The following TRAF3IP3 variants were observed in gnomAD, a reference collection of about 807,000 sequenced individuals.
The protein encoded by TRAF3IP3 is TRAF3-interacting JNK-activating modulator.
TRAF3IP3 carries 64 observed loss-of-function variants against 86.5 expected under a neutral mutation model. The observed-to-expected ratio is 0.74, with a 90% CI of 0.60 to 0.91. The LOEUF (loss-of-function observed/expected upper bound fraction) is 0.91, where lower values mean the gene tolerates loss of function less well. TRAF3IP3 is among the 40% of genes least tolerant of loss of function. The pLI is 0.00. For synonymous variants in TRAF3IP3, 220 were observed against 243.9 expected, an observed-to-expected ratio of 0.90 and a Z score of 0.91; for missense variants, 579 against 642.9, an observed-to-expected ratio of 0.90 and a Z score of 1.07.
rs1294915078 is a variant in TRAF3IP3 at position 209,775,582 on chromosome 1, T to TC, written c.916-16dup. On this transcript the variant is annotated splice_polypyrimidine_tract_variant and intron_variant, in intron 10 of 16. Transcript: ENST00000367025. ...TGCACAACTCCCTGGAGCCCTCTCC[T>TC]CTCTGATCTCCCTCAGCGATCCCTG... The TC allele has an allele frequency of 7.4e-6, 12 of 1,614,012 alleles. No individual in the cohort carries two copies. The highest frequency in any genetic ancestry group is 1.0e-5 in the Non-Finnish European group (12 of 1,179,998).
At chr1:209,765,237 GGA>G (rs2077330895) in intron 8 of TRAF3IP3, among the ~76,000 whole-genome samples, 12 of 107,484 alleles carry the variant, frequency 1.1e-4, no homozygotes, top group East Asian at 5.2e-4. Context: ...GAGGAAGGAA[GGA>G]AGGAAGGAAG....
rs775528087 is a variant in TRAF3IP3, at chr1:209,775,421, G to A, written c.847G>A (p.Ala283Thr). 2 of 1,614,100 alleles carry A rather than the reference G, an allele frequency of 1.2e-6. No individual in the cohort carries two copies. The highest frequency in any genetic ancestry group is 3.3e-5 in the Admixed American group (2 of 60,012). Residue 283 changes from alanine to threonine, a missense_variant, in exon 10 of 17, where the codon GCC becomes ACC. By Grantham distance (58) the Ala-to-Thr change is moderately conservative (BLOSUM62 0). Transcript: ENST00000367025. ...EDQKNSYEQKAKESLQKVLEE... is the reference protein window; with the variant it reads ...EDQKNSYEQKTKESLQKVLEE... The stretch of plus-strand genomic sequence containing the variant: ...CCAGAAAAACAGCTATGAGCAGAAG[G>A]CCAAGGAGTCACTGCAGAAAGTGCT...
intron 8 of TRAF3IP3, among the ~76,000 whole-genome samples, chr1:209,768,945 G>A (rs1273073787): frequency 1.3e-5 from 2 of 152,166 alleles, no homozygotes; most frequent in Non-Finnish European, 1.5e-5. Flanking sequence ...AGACTTGGGT[G>A]GCCCTTCATC....
rs537510029 is a variant in TRAF3IP3, at chr1:209,770,096, G to GC, written c.703-2850dup. On this transcript the variant is annotated intron_variant, in intron 8 of 16. Transcript: ENST00000367025. Reference sequence around the variant, plus strand: ...AGAAACAGATTGGCTCTTCATGCCGGCCTTGCTCCCCTCTCGCCCTTGAGA... The same window carrying GC: ...AGAAACAGATTGGCTCTTCATGCCGGCCCTTGCTCCCCTCTCGCCCTTGAGA... 2.3e-3 allele frequency among the ~76,000 whole-genome samples: 350 copies of GC among 152,304 alleles called. 1 individual carries two copies. The highest frequency in any genetic ancestry group is 8.0e-3 in the African/African-American group (334 of 41,564).
chr1:209,762,599 T>C lies in TRAF3IP3; in HGVS notation c.430T>C (p.Ser144Pro). 1 of 1,516,284 alleles carries C rather than the reference T, an allele frequency of 6.6e-7. No individual in the cohort carries two copies. The allele number at this position is 1,516,284 out of a possible 1,614,324, so 93.9% of individuals were successfully genotyped here. ...ICRDLSDHLS[S>P]QAGGLPPQDT... is the part of the protein sequence containing the mutation. Reference sequence around the variant, plus strand: ...CAGGGATCTGTCTGACCACCTCTCCTCACAGGCTGGGGGCCTTCCTCCACA... The same window carrying C: ...CAGGGATCTGTCTGACCACCTCTCCCCACAGGCTGGGGGCCTTCCTCCACA... The change falls in exon 4 of 17, where the codon TCA (serine) becomes CCA (proline). Residue 144 changes from serine to proline, a missense_variant. Coordinates refer to ENST00000367025, the MANE Select transcript of TRAF3IP3 (RefSeq NM_025228.4).
intron 8 of TRAF3IP3, chr1:209,768,698 G>A (rs1271687831): frequency 3.0e-6 from 3 of 985,404 alleles, no homozygotes; most frequent in East Asian, 2.3e-4. Context: ...TCTTCACTGG[G>A]GTTTATATGC....
chr1:209,763,280 A>G, intron 6 of TRAF3IP3, 83 bp from the exon 7 acceptor site: 2 of 1,537,624 alleles, frequency 1.3e-6, no homozygotes, highest in Non-Finnish European at 1.8e-6. Flanking sequence ...TGCTCTACAC[A>G]AGCCAGCCCA....
intron 8 of TRAF3IP3, 144 bp downstream of exon 8, chr1:209,763,731 G>A: frequency 1.9e-5 from 13 of 694,022 alleles, no homozygotes; most frequent in Non-Finnish European, 3.2e-5. Context: ...TGAGGGGGAT[G>A]GTGCTCAGAC....
chr1:209,780,472 C>T lies in TRAF3IP3; in HGVS notation c.1315C>T (p.Gln439Ter), dbSNP rs1330900836. Residue 439 changes from glutamine to a stop codon, truncating the protein, a stop_gained and splice_region_variant, in exon 15 of 17, where the codon CAG becomes TAG. Coordinates refer to ENST00000367025, the MANE Select transcript of TRAF3IP3 (RefSeq NM_025228.4). LOFTEE classifies it high-confidence loss of function. ...EQEKLLTKKD[Q>*]ALPVWSPKSF... Reference sequence around the variant, plus strand: ...CAAGAATCTGGCTGCTTTTTTAGATCAGGCTTTGCCCGTGTGGAGTCCAAA... The same window carrying T: ...CAAGAATCTGGCTGCTTTTTTAGATTAGGCTTTGCCCGTGTGGAGTCCAAA... 6.4e-7 allele frequency: 1 copy of T among 1,556,270 alleles called. No individual in the cohort carries two copies. Among genetic ancestry groups the T allele is most frequent in the Non-Finnish European group, 8.7e-7 (1 of 1,146,912 alleles).
chr1:209,782,036 G>T lies in TRAF3IP3; in HGVS notation c.1564-20G>T. On this transcript the variant is annotated intron_variant, in intron 16 of 16. Transcript: ENST00000367025. ...AATCCACTCATGGCCACTTTCTTCT[G>T]TCTCCCTGTCCCCCTACAGAGGCAA... is the stretch of plus-strand genomic sequence containing the variant. 6.2e-7 allele frequency: 1 copy of T among 1,606,162 alleles called. No homozygotes were observed. The highest frequency in any genetic ancestry group is 8.5e-7 in the Non-Finnish European group (1 of 1,172,790).
chr1:209,772,211 C>T (rs925499009), intron 8 of TRAF3IP3, among the ~76,000 whole-genome samples: 1 of 152,108 alleles, frequency 6.6e-6, no homozygotes, highest in Non-Finnish European at 1.5e-5. Context: ...GGCTAAAAGT[C>T]TGAGATCGAG....
At chr1:209,764,187 A>G (rs574358336) in intron 8 of TRAF3IP3, among the ~76,000 whole-genome samples, 1 of 152,366 alleles carries the variant, frequency 6.6e-6, no homozygotes, top group Admixed American at 6.5e-5. Flanking sequence ...TCCTCTATAC[A>G]GAGCACTGGA....
chr1:209,762,970 T>C, intron 5 of TRAF3IP3, 98 bp from the exon 6 acceptor site: 1 of 1,593,814 alleles, frequency 6.3e-7, no homozygotes, highest in Non-Finnish European at 8.6e-7. Flanking sequence ...GAGGAAGCCC[T>C]TCCCCACCCT....
At chr1:209,779,116 T>G in intron 13 of TRAF3IP3, 199 bp from the exon 14 acceptor site, 3 of 597,050 alleles carry the variant, frequency 5.0e-6, no homozygotes, top group Non-Finnish European at 8.9e-6. Flanking sequence ...GATTATCTTT[T>G]AAAGAATCTA....
At chr1:209,763,312 G>T in intron 6 of TRAF3IP3, 51 bp from the exon 7 acceptor site, 1 of 1,599,066 alleles carries the variant, frequency 6.3e-7, no homozygotes, top group Non-Finnish European at 8.6e-7. Context: ...TATATCCCAG[G>T]GTTTCAGGGG....
In TRAF3IP3 at chr1:209,760,273, A is replaced by C; in HGVS notation, c.234A>C (p.Lys78Asn). Reference protein sequence around the residue: ...RRNLELEEKGKAQHPQAREQG... With the variant: ...RRNLELEEKGNAQHPQAREQG... ...ACCTGGAGCTAGAGGAGAAGGGCAA[A>C]GCGCAGCATCCCCAGGCCAGGGAGC... The change falls in exon 3 of 17, where the codon AAA (lysine) becomes AAC (asparagine). Residue 78 changes from lysine (K) to asparagine (N), a missense_variant. Transcript: ENST00000367025. 6.2e-7 allele frequency: 1 copy of C among 1,614,226 alleles called. No individual in the cohort carries two copies. The highest frequency in any genetic ancestry group is 8.5e-7 in the Non-Finnish European group (1 of 1,180,044).
chr1:209,776,348 A>C (rs979860294), intron 11 of TRAF3IP3: 2 of 152,162 alleles, frequency 1.3e-5, no homozygotes, highest in African/African-American at 2.4e-5. Context: ...GGCACACAAA[A>C]ACACTCAGTA....
intron 1 of TRAF3IP3, among the ~76,000 whole-genome samples, chr1:209,757,752 G>A (rs115693201): frequency 0.013 from 1,948 of 152,164 alleles, 34 homozygotes; most frequent in African/African-American, 0.043. Context: ...GATAATATTC[G>A]CAATTACTTT....
intron 8 of TRAF3IP3, among the ~76,000 whole-genome samples, chr1:209,767,049 G>C (rs777650001): frequency 3.3e-5 from 5 of 152,210 alleles, no homozygotes; most frequent in Non-Finnish European, 7.3e-5. Context: ...GCAGAGTATG[G>C]CTGAAATGAA....
Sources: allele counts gnomAD v4.1 joint callset (sites outside exome capture counted in the v4.1 genomes callset), GRCh38; gene constraint gnomAD v4.1.1; transcripts MANE v1.5; gene names NCBI Gene and HGNC (gene_info 2026-07-23, HGNC 2026-07-21).